Variants in TSHR observed in about 807,000 individuals in gnomAD.
TSHR encodes the protein thyrotropin receptor.
A neutral mutation model predicts 64.1 loss-of-function variants in TSHR; 51 were observed. The ratio of observed to expected loss-of-function variants is 0.80; its 90% CI spans 0.64 to 1.01. The LOEUF is 1.01. TSHR is among the 50% of genes least tolerant of loss of function. The pLI is 0.00. For missense variants in TSHR, 877 were observed against 942.8 expected (o/e 0.93, Z 0.91); for synonymous variants, 361 against 361.9 (o/e 1.00, Z 0.03).
chr14:81,073,017 A>AAAAAAAAAT (rs1555376957), intron 3 of TSHR, among the ~76,000 whole-genome samples: 15 of 91,186 alleles, frequency 1.6e-4, no homozygotes, highest in African/African-American at 5.8e-4. Flanking sequence ...AAAAATAAAA[A>AAAAAAAAAT]ATAAATATAT....
Position 81,100,295 on chromosome 14 carries a change from C to T in TSHR, c.614+3588C>T, listed in dbSNP as rs559744063. 5.9e-5 allele frequency among the ~76,000 whole-genome samples: 9 copies of T among 152,270 alleles called. No homozygotes were observed. In the East Asian group the frequency reaches 1.5e-3, roughly 26 times the overall value. ...GAGCTTCTCAAGCAGTTCTCAGTTA[C>T]AGGAGCATCTCTCTGGTCTGGTGTT... On this transcript the variant is annotated intron_variant, in intron 7 of 9. Coordinates refer to ENST00000298171, the MANE Select transcript of TSHR (RefSeq NM_000369.5).
At chr14:81,004,186 A>G (rs889296821) in intron 1 of TSHR, among the ~76,000 whole-genome samples, 2 of 152,112 alleles carry the variant, frequency 1.3e-5, no homozygotes, top group East Asian at 3.8e-4. Flanking sequence ...AAATAATAGC[A>G]CTTTACTCGT....
chr14:81,102,386 C>T (rs1171334689), intron 7 of TSHR, among the ~76,000 whole-genome samples: 3 of 152,100 alleles, frequency 2.0e-5, no homozygotes, highest in Admixed American at 2.0e-4. Context: ...CTAACTATCC[C>T]TTGAAACATA....
intron 1 of TSHR, among the ~76,000 whole-genome samples, chr14:80,978,122 C>CACACACAT (rs1566745415): frequency 2.6e-5 from 4 of 151,720 alleles, no homozygotes; most frequent in African/African-American, 9.7e-5. Context: ...CACACACACA[C>CACACACAT]ACACACACAT....
chr14:81,089,074 A>G (rs111914322), intron 4 of TSHR, among the ~76,000 whole-genome samples: 4,938 of 145,278 alleles, frequency 0.034, 239 homozygotes, highest in African/African-American at 0.11. Context: ...TGCAACCGCC[A>G]CTTCCTGCAT....
At chr14:81,062,042 T>C (rs1411641236) in intron 1 of TSHR, 106 bp from the exon 2 acceptor site, 18 of 969,940 alleles carry the variant, frequency 1.9e-5, no homozygotes, top group Non-Finnish European at 2.7e-5. Flanking sequence ...AGCCAACATA[T>C]TGTGAAAACT....
chr14:80,986,939 G>T (rs1213140325), intron 1 of TSHR, among the ~76,000 whole-genome samples: 1 of 152,228 alleles, frequency 6.6e-6, no homozygotes, highest in African/African-American at 2.4e-5. Flanking sequence ...GCAGAAACAA[G>T]ATTATTATTG....
chr14:81,007,904 G>C (rs1889686423), intron 1 of TSHR, among the ~76,000 whole-genome samples: 2 of 152,062 alleles, frequency 1.3e-5, no homozygotes, highest in Non-Finnish European at 2.9e-5. Context: ...TGAACAGAGG[G>C]ACTACAAAAA....
chr14:81,140,730 A>G (rs372439516), intron 9 of TSHR, among the ~76,000 whole-genome samples: 3 of 152,118 alleles, frequency 2.0e-5, no homozygotes, highest in Admixed American at 6.5e-5. Context: ...CTCAGCTTCT[A>G]TGTATTTAGT....
At chr14:80,982,060 G>A in intron 1 of TSHR, 1 of 486,014 alleles carries the variant, frequency 2.1e-6, no homozygotes, top group Non-Finnish European at 3.9e-6. Context: ...GCTAAAGCTG[G>A]AGAAGAGAGG....
intron 1 of TSHR, chr14:81,052,878 T>C (rs1885513411): frequency 1.3e-5 from 2 of 152,178 alleles, no homozygotes; most frequent in African/African-American, 4.8e-5. Context: ...TTTTGTATGT[T>C]GATTTTGTAA....
intron 1 of TSHR, among the ~76,000 whole-genome samples, chr14:80,969,146 C>T (rs554462848): frequency 6.6e-6 from 1 of 152,174 alleles, no homozygotes; most frequent in East Asian, 1.9e-4. Flanking sequence ...TAGATCAGAT[C>T]CCCAATCCTG....
rs199714166 is a variant in TSHR, at chr14:80,973,518, C to CT, written c.170+17669dup. On this transcript the variant is annotated intron_variant, in intron 1 of 9. Coordinates refer to ENST00000298171, the MANE Select transcript of TSHR (RefSeq NM_000369.5). The stretch of plus-strand genomic sequence containing the variant: ...AAGAGTTCCCATCTTGTGAAGGAGG[C>CT]TGTTTCTAGCCAGTTGGCAGAGGAA... 8.0e-3 allele frequency among the ~76,000 whole-genome samples: 1,205 copies of CT among 151,342 alleles called. 11 individuals carry two copies. The highest frequency in any genetic ancestry group is 0.044 in the Middle Eastern group (13 of 294).
intron 1 of TSHR, among the ~76,000 whole-genome samples, chr14:80,990,474 G>A (rs888076143): frequency 3.9e-5 from 6 of 152,220 alleles, no homozygotes; most frequent in African/African-American, 7.2e-5. Context: ...CTGCGGGAAG[G>A]TTCCTCGGTT....
At chr14:80,973,429 A>AAAAAAAAAAAAAC (rs1566743346) in intron 1 of TSHR, among the ~76,000 whole-genome samples, 2 of 146,234 alleles carry the variant, frequency 1.4e-5, no homozygotes, top group East Asian at 2.1e-4. Flanking sequence ...AAAAAAAAAA[A>AAAAAAAAAAAAAC]TCTGTGTACT....
intron 1 of TSHR, among the ~76,000 whole-genome samples, chr14:80,987,680 T>G (rs567000589): frequency 1.3e-5 from 2 of 152,314 alleles, no homozygotes; most frequent in Admixed American, 1.3e-4. Flanking sequence ...ACCTTGTTGC[T>G]TGATGTTGCT....
At chr14:81,092,910 T>C (rs1888871187) in intron 6 of TSHR, among the ~76,000 whole-genome samples, 1 of 152,152 alleles carries the variant, frequency 6.6e-6, no homozygotes, top group Non-Finnish European at 1.5e-5. Context: ...ACTCTGGCAT[T>C]GTGTGGCAAA....
chr14:81,007,136 G>T (rs946060582), intron 1 of TSHR, among the ~76,000 whole-genome samples: 4 of 152,216 alleles, frequency 2.6e-5, no homozygotes, highest in Non-Finnish European at 5.9e-5. Flanking sequence ...GCTATCTGGA[G>T]ATGGGGTCTT....
intron 3 of TSHR, among the ~76,000 whole-genome samples, chr14:81,079,742 G>C (rs1262203687): frequency 6.6e-6 from 1 of 151,902 alleles, no homozygotes; most frequent in Non-Finnish European, 1.5e-5. Flanking sequence ...TATAGTCCCA[G>C]CTTCTCAGGA....
Sources: allele counts gnomAD v4.1 joint callset (sites outside exome capture counted in the v4.1 genomes callset), GRCh38; gene constraint gnomAD v4.1.1; transcripts MANE v1.5; gene names NCBI Gene and HGNC (gene_info 2026-07-23, HGNC 2026-07-21).